The following RLIG1 variants were observed in gnomAD, a reference collection of about 807,000 sequenced individuals.
RLIG1 encodes the protein RNA ligase 1.
At chr12:88,049,715 G>A in the RLIG1 span, 5 of 191,518 alleles carry the variant, frequency 2.6e-5, no homozygotes, top group South Asian at 3.1e-4. Flanking sequence ...TGTCAATAGA[G>A]CAATCAATCA....
At chr12:88,035,838 C>T in the RLIG1 span, 2 of 1,537,884 alleles carry the variant, frequency 1.3e-6, no homozygotes, top group Middle Eastern at 1.8e-4. Flanking sequence ...CGCTTTAGAA[C>T]TGCCCTGCAG....
the RLIG1 span, chr12:88,045,539 A>G: frequency 8.9e-6 from 13 of 1,463,136 alleles, no homozygotes; most frequent in Admixed American, 6.0e-5. Context: ...CAGTCCAAAG[A>G]AAAACGATCT....
the RLIG1 span, chr12:88,044,328 A>C: frequency 1.3e-5 from 2 of 152,438 alleles, no homozygotes; most frequent in Non-Finnish European, 2.9e-5. Context: ...GATAGATGAG[A>C]TGATCTAGTC....
chr12:88,045,905 AT>A, the RLIG1 span: 1 of 689,894 alleles, frequency 1.4e-6, no homozygotes, highest in Non-Finnish European at 2.4e-6. Context: ...GTTTCCTAGG[AT>A]TATATCCATT....
At chr12:88,039,212 T>C in the RLIG1 span, among the ~76,000 whole-genome samples, 1 of 152,166 alleles carries the variant, frequency 6.6e-6, no homozygotes, top group Admixed American at 6.6e-5. Context: ...GTATGAACTA[T>C]CTTCCGTCTC....
At chr12:88,047,203 A>G in the RLIG1 span, among the ~76,000 whole-genome samples, 1 of 152,138 alleles carries the variant, frequency 6.6e-6, no homozygotes, top group Admixed American at 6.6e-5. Flanking sequence ...AATTAAAGTG[A>G]TAACTATATA....
chr12:88,042,995 C>T, the RLIG1 span: 1 of 779,496 alleles, frequency 1.3e-6, no homozygotes, highest in South Asian at 2.5e-5. Context: ...TATTTCTATA[C>T]ATTATATCCT....
the RLIG1 span, chr12:88,048,398 C>T: frequency 6.7e-7 from 1 of 1,495,534 alleles, no homozygotes; most frequent in Non-Finnish European, 9.2e-7. Flanking sequence ...TTGTTAGACT[C>T]AAAGATATAA....
chr12:88,047,057 T>A, the RLIG1 span: 1 of 1,315,774 alleles, frequency 7.6e-7, no homozygotes, highest in Non-Finnish European at 1.0e-6. Flanking sequence ...AAATTCTCTC[T>A]ACAAATGGCA....
the RLIG1 span, chr12:88,040,139 T>C: frequency 5.2e-6 from 8 of 1,544,066 alleles, no homozygotes; most frequent in East Asian, 6.8e-5. Context: ...CTCTCTCTCT[T>C]TTTTTAAGCC....
chr12:88,046,802 C>A, the RLIG1 span: 1 of 1,595,422 alleles, frequency 6.3e-7, no homozygotes, highest in South Asian at 1.1e-5. Flanking sequence ...AATTTTCCCA[C>A]TTAGGGTTAG....
chr12:88,049,386 AG>A, the RLIG1 span: 1 of 1,534,278 alleles, frequency 6.5e-7, no homozygotes, highest in South Asian at 1.2e-5. Context: ...AAAATTTTCC[AG>A]TTCTTTTTTC....
the RLIG1 span, chr12:88,043,900 T>C: frequency 1.7e-6 from 1 of 593,964 alleles, no homozygotes; most frequent in South Asian, 2.1e-5. Flanking sequence ...ATATCAAGAA[T>C]GTCCTCTTAG....
chr12:88,035,586 C>A, the RLIG1 span: 2 of 1,522,480 alleles, frequency 1.3e-6, no homozygotes, highest in African/African-American at 1.4e-5. Flanking sequence ...AGGGCTTCTC[C>A]GCGACTGGAC....
At chr12:88,045,804 A>G in the RLIG1 span, 1 of 1,577,126 alleles carries the variant, frequency 6.3e-7, no homozygotes, top group Non-Finnish European at 8.7e-7. Flanking sequence ...TTTCTTGTTC[A>G]GTTATTGTAA....
the RLIG1 span, chr12:88,043,661 G>C: frequency 4.3e-6 from 7 of 1,613,172 alleles, no homozygotes; most frequent in Non-Finnish European, 5.9e-6. Context: ...ACCAGCAAAG[G>C]AGACAGAACA....
chr12:88,047,041 A>G, the RLIG1 span: 12 of 1,404,876 alleles, frequency 8.5e-6, no homozygotes, highest in East Asian at 3.0e-4. Context: ...AGTAGAAGTG[A>G]CACTAAAATT....
the RLIG1 span, chr12:88,043,062 G>T: frequency 2.4e-6 from 1 of 416,758 alleles, no homozygotes; most frequent in South Asian, 8.0e-5. Flanking sequence ...ATATATAAAA[G>T]GATATTATTG....
At chr12:88,045,728 T>G in the RLIG1 span, 7 of 1,613,252 alleles carry the variant, frequency 4.3e-6, no homozygotes, top group Middle Eastern at 1.7e-4. Flanking sequence ...TTCAGATCTC[T>G]TAGAACAAAC....
Sources: gnomAD v4.1 joint callset for allele counts (sites outside exome capture counted in the v4.1 genomes callset) on GRCh38, gnomAD v4.1.1 for gene constraint, MANE v1.5 for transcripts, NCBI Gene and HGNC (gene_info 2026-07-23, HGNC 2026-07-21) for gene names.